Variants in SLC35F6 observed in about 807,000 individuals in gnomAD.
SLC35F6 encodes the protein solute carrier family 35 member F6.
Under a neutral mutation model 29.4 loss-of-function variants are expected in SLC35F6, and 26 were observed. That is an observed-to-expected ratio of 0.89 (90% CI 0.65 to 1.23). The LOEUF is 1.23. SLC35F6 is among the 50% of genes most tolerant of loss of function. The pLI is 0.00. For synonymous variants in SLC35F6, 174 were observed against 206.6 expected, an observed-to-expected ratio of 0.84 and a Z score of 1.35; for missense variants, 428 against 487.8, an observed-to-expected ratio of 0.88 and a Z score of 1.15.
At position 26,775,736 on chromosome 2, in the gene SLC35F6, C is replaced by T; in HGVS notation, c.535+60C>T. On this transcript the variant is annotated intron_variant, in intron 4 of 5. Transcript: ENST00000344420. The surrounding 1 kb of genome is among the most constrained non-coding windows in gnomAD (Gnocchi z 4.6). ...TCCTGCCCTGTCCTCCTTGGGAGCC[C>T]AGCACAGACTCATACAAGCTCTGCC... 7 of 1,482,046 alleles carry T rather than the reference C, an allele frequency of 4.7e-6. No homozygotes were observed. The highest frequency in any genetic ancestry group is 6.3e-6 in the Non-Finnish European group (7 of 1,114,712). 91.8% of individuals were successfully genotyped at this position (1,482,046 alleles called of 1,614,324 possible).
rs1271378820 is a variant in SLC35F6, at chr2:26,769,877, T to C, written c.78-4374T>C. On this transcript the variant is annotated intron_variant, in intron 1 of 5. Transcript: ENST00000344420. Reference sequence around the variant, plus strand: ...GCCAGGTCATGTATATATCCTTATATCATGTATTGCTTCTGACAGTTTGTC... The same window carrying C: ...GCCAGGTCATGTATATATCCTTATACCATGTATTGCTTCTGACAGTTTGTC... Among the ~76,000 whole-genome samples the C allele has an allele frequency of 3.9e-5, 6 of 152,162 alleles. 1 individual carries two copies. Among genetic ancestry groups the C allele is most frequent in the Admixed American group, 1.3e-4 (2 of 15,276 alleles).
chr2:26,775,594 C>T lies in SLC35F6; in HGVS notation c.453C>T (p.Thr151=). The part of the protein sequence containing the change: ...VLSQWLGILA[T]IAGLVVVGLA... The stretch of plus-strand genomic sequence containing the variant: ...GCCAGTGGCTGGGCATCCTAGCCAC[C>T]ATCGCGGGGCTGGTGGTCGTGGGCC... The change falls in exon 4 of 6, where the codon ACC becomes ACT. Residue 151 remains threonine (T), a synonymous_variant. Transcript: ENST00000344420. The surrounding 1 kb of genome is among the most constrained non-coding windows in gnomAD (Gnocchi z 4.6). The T allele has an allele frequency of 1.2e-6, 2 of 1,608,008 alleles. No individual in the cohort carries two copies. Among genetic ancestry groups the T allele is most frequent in the Non-Finnish European group, 1.7e-6 (2 of 1,179,276 alleles).
chr2:26,771,189 G>A (rs1472113868), intron 1 of SLC35F6, among the ~76,000 whole-genome samples: 1 of 152,260 alleles, frequency 6.6e-6, no homozygotes, highest in Non-Finnish European at 1.5e-5. Context: ...CAGCCTTGGG[G>A]AAGGACAGGC....
In SLC35F6 at chr2:26,775,541, G is replaced by C. The variant is rs764554390; in HGVS notation, c.400G>C (p.Ala134Pro). The change falls in exon 4 of 6, where the codon GCC becomes CCC. Residue 134 changes from alanine to proline, a missense_variant. Ala to Pro is a conservative substitution (Grantham distance 27). Transcript: ENST00000344420. This position sits in a 1 kb window ranked among gnomAD's most constrained non-coding sequence, Gnocchi z 4.6. ...CATATTCACTGGCCTGTTCTCGGTGGCCTTCCTGGGCCGGAGGCTGGTGCT... is the reference window on the plus strand; with the variant it reads ...CATATTCACTGGCCTGTTCTCGGTGCCCTTCCTGGGCCGGAGGCTGGTGCT... Reference protein sequence around the residue: ...VIIFTGLFSVAFLGRRLVLSQ... With the variant: ...VIIFTGLFSVPFLGRRLVLSQ... 1.9e-6 allele frequency: 3 copies of C among 1,610,236 alleles called. No homozygotes were observed. In the East Asian group the frequency reaches 6.7e-5, roughly 36 times the overall value.
At chr2:26,774,629 A>G (rs1664263401) in intron 2 of SLC35F6, among the ~76,000 whole-genome samples, 1 of 152,208 alleles carries the variant, frequency 6.6e-6, no homozygotes, top group Non-Finnish European at 1.5e-5. Context: ...CCCAGACCCC[A>G]ATTGGGACAG....
At chr2:26,767,185 C>T (rs1664110366) in intron 1 of SLC35F6, among the ~76,000 whole-genome samples, 1 of 152,188 alleles carries the variant, frequency 6.6e-6, no homozygotes, top group African/African-American at 2.4e-5. Flanking sequence ...CAGGCCAGGA[C>T]AGAGAAGCCT....
chr2:26,776,822 A>G (rs755627241), intron 5 of SLC35F6, among the ~76,000 whole-genome samples: 5 of 152,024 alleles, frequency 3.3e-5, no homozygotes, highest in Non-Finnish European at 5.9e-5. Context: ...CGAGCTGCAA[A>G]TTTCAACAGG....
At chr2:26,774,380 C>T (rs1345349680) in intron 2 of SLC35F6, 57 bp downstream of exon 2, 5 of 1,595,764 alleles carry the variant, frequency 3.1e-6, no homozygotes, top group Non-Finnish European at 3.4e-6. Context: ...CAGGCGCCAC[C>T]CCCGGCCATG....
In SLC35F6 at chr2:26,781,063, C is replaced by G. The variant is rs780126886; in HGVS notation, c.*2552C>G. The G allele has an allele frequency of 2.0e-5, 3 of 152,132 alleles. No individual in the cohort carries two copies. Among genetic ancestry groups the G allele is most frequent in the Admixed American group, 2.0e-4 (3 of 15,276 alleles). The allele number at this position is 152,132 out of a possible 1,614,324, so 9.4% of individuals were successfully genotyped here. A position where few individuals can be genotyped will look rare whatever the true frequency, so the allele number is the denominator to read the frequency against. On this transcript the variant is annotated 3_prime_UTR_variant, in exon 6 of 6. Coordinates refer to ENST00000344420, the MANE Select transcript of SLC35F6 (RefSeq NM_017877.4). ...ATGGACAGTGAGGATGATGGAGAGA[C>G]TACAGCTGCCTTGTCTAAAACCTGG...
chr2:26,767,819 C>T (rs764280025), intron 1 of SLC35F6, among the ~76,000 whole-genome samples: 4 of 152,110 alleles, frequency 2.6e-5, no homozygotes, highest in African/African-American at 7.2e-5. Flanking sequence ...TCAGCCTGGA[C>T]AACATAGGGA....
At chr2:26,770,713 GT>G (rs1664182082) in intron 1 of SLC35F6, among the ~76,000 whole-genome samples, 1 of 150,730 alleles carries the variant, frequency 6.6e-6, no homozygotes, top group South Asian at 2.1e-4. Context: ...GGGAGGCTCC[GT>G]TTCAAAAAAA....
chr2:26,764,764 C>T, intron 1 of SLC35F6: 1 of 982,650 alleles, frequency 1.0e-6, no homozygotes, highest in Non-Finnish European at 1.2e-6. Context: ...CTGGGAGAGA[C>T]CCCTGGACTT....
chr2:26,766,523 G>A (rs1005774116), intron 1 of SLC35F6, among the ~76,000 whole-genome samples: 2 of 152,088 alleles, frequency 1.3e-5, no homozygotes, highest in African/African-American at 2.4e-5. Flanking sequence ...GCTTGAACCC[G>A]GGAGGCGGAG....
chr2:26,764,431 G>C lies in SLC35F6; in HGVS notation c.77+5G>C. On this transcript the variant is annotated splice_donor_5th_base_variant and intron_variant, in intron 1 of 5. Coordinates refer to ENST00000344420, the MANE Select transcript of SLC35F6 (RefSeq NM_017877.4). Reference sequence around the variant, plus strand: ...CATCAACACGCTCTCGGCAAAGTGAGTCTGGGCCCTGCCGGGCGTGCGGGC... The same window carrying C: ...CATCAACACGCTCTCGGCAAAGTGACTCTGGGCCCTGCCGGGCGTGCGGGC... The C allele has an allele frequency of 6.4e-7, 1 of 1,550,948 alleles. No homozygotes were observed. Among genetic ancestry groups the C allele is most frequent in the Non-Finnish European group, 8.7e-7 (1 of 1,146,854 alleles).
rs1230735700 is a variant in SLC35F6 at position 26,774,275 on chromosome 2, G to C, written c.102G>C (p.Glu34Asp). The C allele has an allele frequency of 6.2e-7, 1 of 1,614,022 alleles. No individual in the cohort carries two copies. Among genetic ancestry groups the C allele is most frequent in the Non-Finnish European group, 8.5e-7 (1 of 1,180,022 alleles). The change falls in exon 2 of 6, where the codon GAG (glutamate) becomes GAC (aspartate). Residue 34 changes from glutamate to aspartate, a missense_variant. By Grantham distance (45) the Glu-to-Asp change is conservative. Coordinates refer to ENST00000344420, the MANE Select transcript of SLC35F6 (RefSeq NM_017877.4). Reference protein sequence around the residue: ...SAKWADNFMAEGCGGSKEHSF... With the variant: ...SAKWADNFMADGCGGSKEHSF... Reference sequence around the variant, plus strand: ...GATGGGCGGACAATTTCATGGCCGAGGGCTGTGGAGGGAGCAAGGAGCACA... The same window carrying C: ...GATGGGCGGACAATTTCATGGCCGACGGCTGTGGAGGGAGCAAGGAGCACA...
At position 26,780,433 on chromosome 2, in the gene SLC35F6, G is replaced by A. The variant is rs1343715501; in HGVS notation, c.*1922G>A. On this transcript the variant is annotated 3_prime_UTR_variant, in exon 6 of 6. Coordinates refer to ENST00000344420, the MANE Select transcript of SLC35F6 (RefSeq NM_017877.4). ...TGCCTGCCTAGAGAACTCCCAAGAT[G>A]ACAGACTAAGTAGGATTCTGCCATT... The A allele has an allele frequency of 1.3e-5, 2 of 152,180 alleles. No homozygotes were observed. The highest frequency in any genetic ancestry group is 2.9e-5 in the Non-Finnish European group (2 of 68,052). The allele number at this position is 152,180 out of a possible 1,614,324, so 9.4% of individuals were successfully genotyped here.
rs573350670 is a variant in SLC35F6, at chr2:26,780,838, TCA to T, written c.*2328_*2329del. ...GCCTCAAACCATTCTCCTGGGTAGC[TCA>T]GTCATAAAACACCGAATGCCTGCCT... On this transcript the variant is annotated 3_prime_UTR_variant, in exon 6 of 6. Coordinates refer to ENST00000344420, the MANE Select transcript of SLC35F6 (RefSeq NM_017877.4). 1.1e-4 allele frequency: 17 copies of T among 152,340 alleles called. No individual in the cohort carries two copies. The East Asian group carries it at 3.3e-3, about 29-fold the overall frequency. 9.4% of individuals were successfully genotyped at this position (152,340 alleles called of 1,614,324 possible).
rs1390809119 is a variant in SLC35F6, at chr2:26,764,336, C to T, written c.-14C>T. The T allele has an allele frequency of 3.2e-6, 5 of 1,549,718 alleles. No individual in the cohort carries two copies. Among genetic ancestry groups the T allele is most frequent in the Non-Finnish European group, 3.5e-6 (4 of 1,146,514 alleles). ...CGGCGCCGCTAACTGGAGCGAACCC[C>T]AGCGTCCGCCGACATGGCCTGGACC... On this transcript the variant is annotated 5_prime_UTR_variant, in exon 1 of 6. Coordinates refer to ENST00000344420, the MANE Select transcript of SLC35F6 (RefSeq NM_017877.4).
intron 1 of SLC35F6, among the ~76,000 whole-genome samples, chr2:26,766,603 A>C (rs956539976): frequency 3.9e-5 from 6 of 152,130 alleles, no homozygotes; most frequent in Non-Finnish European, 7.4e-5. Flanking sequence ...GTCTCAAAAA[A>C]AAAAATAAAA....
Sources: gnomAD v4.1 joint callset for allele counts (sites outside exome capture counted in the v4.1 genomes callset) on GRCh38, gnomAD v4.1.1 for gene constraint, Gnocchi (gnomAD v3.1) non-coding constraint, MANE v1.5 for transcripts, NCBI Gene and HGNC (gene_info 2026-07-23, HGNC 2026-07-21) for gene names.